NME7: variants seen among roughly 807,000 people sequenced by gnomAD.
NME7 encodes the protein NME/NM23 family member 7.
A neutral mutation model predicts 49.1 loss-of-function variants in NME7; 41 were observed. The observed-to-expected ratio is 0.83, with a 90% CI of 0.65 to 1.08. The LOEUF is 1.08. NME7 is among the 50% of genes least tolerant of loss of function. The pLI is 0.00. For missense variants in NME7, 423 were observed against 463.4 expected (o/e 0.91, Z 0.80); for synonymous variants, 139 against 150.6 (o/e 0.92, Z 0.56).
At chr1:169,250,598 T>A (rs1425422899) in intron 7 of NME7, among the ~76,000 whole-genome samples, 3 of 152,116 alleles carry the variant, frequency 2.0e-5, no homozygotes. Flanking sequence ...GATTTTTTAA[T>A]GTAGGTATTT....
At chr1:169,303,454 T>C (rs912326222) in intron 4 of NME7, 1 of 170,426 alleles carries the variant, frequency 5.9e-6, no homozygotes, top group African/African-American at 2.5e-5. Flanking sequence ...TCTATCTTCT[T>C]CTTTTTTTTT....
Position 169,160,024 on chromosome 1 carries a change from A to G in NME7, c.1098+9423T>C, listed in dbSNP as rs143158740. Among the ~76,000 whole-genome samples, 342 of 151,896 alleles carry G rather than the reference A, an allele frequency of 2.3e-3. 3 individuals carry two copies. The highest frequency in any genetic ancestry group is 7.9e-3 in the African/African-American group (326 of 41,398). On this transcript the variant is annotated intron_variant, in intron 11 of 11. Coordinates refer to ENST00000367811, the MANE Select transcript of NME7 (RefSeq NM_013330.5). ...TCTCTAGTGACTGATACTGATCTCC[A>G]CTCCACACTGGCTACCTCCTTCCAT...
chr1:169,226,683 A>G (rs1647355195), intron 10 of NME7, among the ~76,000 whole-genome samples: 1 of 152,208 alleles, frequency 6.6e-6, no homozygotes, highest in South Asian at 2.1e-4. Flanking sequence ...ATTAACTTTC[A>G]GGTTTTAAGA....
chr1:169,318,437 C>T (rs1034014676), intron 3 of NME7, among the ~76,000 whole-genome samples: 2 of 151,864 alleles, frequency 1.3e-5, no homozygotes, highest in Non-Finnish European at 2.9e-5. Context: ...ATGAAGGAGA[C>T]AAGTAAATTG....
At chr1:169,149,423 G>T (rs1658847372) in intron 11 of NME7, among the ~76,000 whole-genome samples, 1 of 152,078 alleles carries the variant, frequency 6.6e-6, no homozygotes, top group Non-Finnish European at 1.5e-5. Flanking sequence ...TACTGCTAGA[G>T]GATTATATTT....
intron 3 of NME7, among the ~76,000 whole-genome samples, chr1:169,311,375 C>CA (rs1651381033): frequency 7.3e-6 from 1 of 137,888 alleles, no homozygotes; most frequent in Non-Finnish European, 1.5e-5. Flanking sequence ...GCCAAGATAG[C>CA]ACCACTGCAC....
chr1:169,346,619 T>G (rs1652959799), intron 1 of NME7, among the ~76,000 whole-genome samples: 1 of 152,240 alleles, frequency 6.6e-6, no homozygotes. Context: ...AGCACTTATT[T>G]ACCTTCAAAT....
chr1:169,202,463 A>G (rs1311739816), intron 10 of NME7, among the ~76,000 whole-genome samples: 1 of 152,190 alleles, frequency 6.6e-6, no homozygotes, highest in Non-Finnish European at 1.5e-5. Flanking sequence ...CCATGAGCCA[A>G]TTAAATCTCT....
intron 7 of NME7, among the ~76,000 whole-genome samples, chr1:169,281,778 C>T (rs530741203): frequency 6.6e-6 from 1 of 152,290 alleles, no homozygotes; most frequent in African/African-American, 2.4e-5. Flanking sequence ...TTGAACCAGC[C>T]TTGCATTCCA....
chr1:169,305,406 T>C lies in NME7; in HGVS notation c.390-2211A>G, dbSNP rs1393200866. Reference sequence around the variant, plus strand: ...CTAGAAATACAAAGTCATACAGAACTCAGCAGCTATCTTCTGGATATTGTC... The same window carrying C: ...CTAGAAATACAAAGTCATACAGAACCCAGCAGCTATCTTCTGGATATTGTC... On this transcript the variant is annotated intron_variant, in intron 4 of 11. Coordinates refer to ENST00000367811, the MANE Select transcript of NME7 (RefSeq NM_013330.5). Among the ~76,000 whole-genome samples the C allele has an allele frequency of 2.0e-5, 3 of 152,216 alleles. No individual in the cohort carries two copies. In the East Asian group the frequency reaches 5.8e-4, roughly 29 times the overall value.
rs1651029965 is a variant in NME7 at position 169,303,371 on chromosome 1, T to G, written c.390-176A>C. ...CCACTCTTTTAAAATATTTTTTAAG[T>G]ATGAGTAATATCAATGTAAATAAAA... On this transcript the variant is annotated intron_variant, in intron 4 of 11. Transcript: ENST00000367811. The G allele has an allele frequency of 8.9e-6, 3 of 336,098 alleles. No individual in the cohort carries two copies. The East Asian group carries it at 1.6e-4, about 18-fold the overall frequency. 20.8% of individuals were successfully genotyped at this position (336,098 alleles called of 1,614,324 possible).
At chr1:169,238,330 C>T (rs1346359951) in intron 7 of NME7, among the ~76,000 whole-genome samples, 1 of 151,918 alleles carries the variant, frequency 6.6e-6, no homozygotes, top group African/African-American at 2.4e-5. Flanking sequence ...TAGTCTTTAT[C>T]CTACAGATGA....
At chr1:169,298,004 TTAAG>T (rs1376708041) in intron 6 of NME7, among the ~76,000 whole-genome samples, 7 of 152,264 alleles carry the variant, frequency 4.6e-5, no homozygotes, top group Admixed American at 3.3e-4. Context: ...AAAAACTACC[TTAAG>T]TGAGACACTT....
rs140973132 is a variant in NME7, at chr1:169,202,915, T to C, written c.990+27803A>G. Among the ~76,000 whole-genome samples, 937 of 152,144 alleles carry C rather than the reference T, an allele frequency of 6.2e-3. 10 individuals carry two copies. The highest frequency in any genetic ancestry group is 0.021 in the African/African-American group (882 of 41,510). On this transcript the variant is annotated intron_variant, in intron 10 of 11. Coordinates refer to ENST00000367811, the MANE Select transcript of NME7 (RefSeq NM_013330.5). ...CATGGGTATGCACAGTAGGCCAATG[T>C]GTATGAAACATGTGTCCCATTGAGA... is the stretch of plus-strand genomic sequence containing the variant.
intron 7 of NME7, among the ~76,000 whole-genome samples, chr1:169,281,786 C>G (rs942887209): frequency 5.3e-5 from 8 of 152,180 alleles, no homozygotes; most frequent in Admixed American, 4.6e-4. Context: ...GCCTTGCATT[C>G]CAGCAATGAA....
intron 11 of NME7, among the ~76,000 whole-genome samples, chr1:169,156,201 T>G (rs1027617614): frequency 6.6e-6 from 1 of 150,686 alleles, no homozygotes; most frequent in Non-Finnish European, 1.5e-5. Flanking sequence ...TGGTCCTAGC[T>G]GCTAGGGAGG....
intron 1 of NME7, among the ~76,000 whole-genome samples, chr1:169,347,118 C>G (rs1004842573): frequency 1.3e-5 from 2 of 152,126 alleles, no homozygotes; most frequent in African/African-American, 4.8e-5. Context: ...GGCTGAGGCA[C>G]GAAGATCACT....
intron 10 of NME7, chr1:169,190,655 T>C: frequency 2.2e-6 from 1 of 444,768 alleles, no homozygotes; most frequent in Non-Finnish European, 4.5e-6. Flanking sequence ...AACAGAGATG[T>C]CTTCTTTAGT....
intron 11 of NME7, among the ~76,000 whole-genome samples, chr1:169,142,498 TAGAGG>T (rs1226313577): frequency 1.3e-5 from 2 of 152,116 alleles, no homozygotes; most frequent in Non-Finnish European, 2.9e-5. Flanking sequence ...TGTTCATAAA[TAGAGG>T]AAAGAAAAAG....
Sources: gnomAD v4.1 joint callset for allele counts (sites outside exome capture counted in the v4.1 genomes callset) on GRCh38, gnomAD v4.1.1 for gene constraint, MANE v1.5 for transcripts, NCBI Gene and HGNC (gene_info 2026-07-23, HGNC 2026-07-21) for gene names.